HMCN1: variants seen among roughly 807,000 people sequenced by gnomAD.
The protein encoded by HMCN1 is hemicentin-1.
HMCN1 carries 321 observed loss-of-function variants against 625.9 expected under a neutral mutation model. That is an observed-to-expected ratio of 0.51 (90% CI 0.47 to 0.56). HMCN1 has a LOEUF of 0.56. Ranked by LOEUF, HMCN1 falls within the 20% of genes least tolerant of loss-of-function variation. The pLI is 0.00. For synonymous variants in HMCN1, 2,425 were observed against 2,417.6 expected (o/e 1.00, Z -0.09); for missense variants, 6,588 against 6,887.3 (o/e 0.96, Z 1.54).
At chr1:185,880,713 A>G (rs2102389686) in intron 4 of HMCN1, among the ~76,000 whole-genome samples, 1 of 152,320 alleles carries the variant, frequency 6.6e-6, no homozygotes, top group Non-Finnish European at 1.5e-5. Flanking sequence ...TAGATACATA[A>G]TATTTGTTGA....
At chr1:186,087,403 T>C (rs1234507985) in intron 59 of HMCN1, 40 bp from the exon 60 acceptor site, 2 of 1,606,142 alleles carry the variant, frequency 1.2e-6, no homozygotes, top group African/African-American at 1.3e-5. Flanking sequence ...CTGAGCACCT[T>C]AATGAAAAAG....
chr1:185,950,996 G>C (rs1431029529), intron 11 of HMCN1, among the ~76,000 whole-genome samples: 4 of 151,140 alleles, frequency 2.6e-5, no homozygotes, highest in African/African-American at 9.8e-5. Flanking sequence ...GCAGGCGAGT[G>C]ATAACAGGCT....
intron 4 of HMCN1, among the ~76,000 whole-genome samples, chr1:185,897,311 A>G (rs1322355): frequency 0.063 from 9,637 of 152,090 alleles, 1,072 homozygotes; most frequent in African/African-American, 0.22. Flanking sequence ...TTTCCCTCCC[A>G]ATCCCTCCAC....
intron 11 of HMCN1, among the ~76,000 whole-genome samples, chr1:185,956,537 A>G (rs1649645021): frequency 6.6e-6 from 1 of 152,200 alleles, no homozygotes; most frequent in Admixed American, 6.5e-5. Flanking sequence ...AGTGGCACAG[A>G]GCTTCACACC....
intron 1 of HMCN1, among the ~76,000 whole-genome samples, chr1:185,784,193 C>A (rs1420332853): frequency 6.6e-6 from 1 of 152,218 alleles, no homozygotes; most frequent in African/African-American, 2.4e-5. Flanking sequence ...TTTGCTAAGA[C>A]CATTGGAAAA....
chr1:185,761,952 T>C (rs1655534989), intron 1 of HMCN1, among the ~76,000 whole-genome samples: 1 of 152,174 alleles, frequency 6.6e-6, no homozygotes, highest in African/African-American at 2.4e-5. Context: ...GGTATCCATC[T>C]TTAAAACTGA....
chr1:186,130,015 G>A lies in HMCN1; in HGVS notation c.12954G>A (p.Val4318=). 6.2e-7 allele frequency: 1 copy of A among 1,613,266 alleles called. No homozygotes were observed. The highest frequency in any genetic ancestry group is 8.5e-7 in the Non-Finnish European group (1 of 1,179,422). ...NGHSELVIER[V]SKEDSGTYVC... is the part of the protein sequence containing the mutation. ...ACAGTGAACTTGTTATTGAAAGAGT[G>A]TCAAAAGAGGATTCAGGTACTTATG... Residue 4318 remains valine, a synonymous_variant, in exon 84 of 107, where the codon GTG becomes GTA. Transcript: ENST00000271588.
At chr1:185,840,899 A>T (rs1372900007) in intron 1 of HMCN1, among the ~76,000 whole-genome samples, 1 of 152,160 alleles carries the variant, frequency 6.6e-6, no homozygotes, top group Non-Finnish European at 1.5e-5. Context: ...CTATTAAATT[A>T]TGTGTAGGCA....
chr1:186,188,684 A>C (rs1409023675), intron 106 of HMCN1, among the ~76,000 whole-genome samples: 1 of 152,154 alleles, frequency 6.6e-6, no homozygotes, highest in Admixed American at 6.6e-5. Flanking sequence ...TACTGGCTGG[A>C]GCTCACTTTG....
intron 11 of HMCN1, among the ~76,000 whole-genome samples, chr1:185,942,892 G>A (rs1668153188): frequency 6.6e-6 from 1 of 151,808 alleles, no homozygotes; most frequent in African/African-American, 2.4e-5. Context: ...TAGAATGGCT[G>A]ACAGAACTCA....
intron 16 of HMCN1, 42 bp from the exon 17 acceptor site, chr1:185,980,936 C>T (rs1651585546): frequency 1.7e-6 from 2 of 1,153,822 alleles, no homozygotes; most frequent in African/African-American, 1.5e-5. Context: ...AGTTAATTCT[C>T]CATAGATGGT....
intron 82 of HMCN1, 108 bp from the exon 83 acceptor site, chr1:186,127,970 G>A (rs1323392204): frequency 3.3e-6 from 3 of 919,812 alleles, no homozygotes; most frequent in Non-Finnish European, 5.2e-6. Context: ...AATTTAAATT[G>A]TCTTTGGATA....
intron 16 of HMCN1, among the ~76,000 whole-genome samples, chr1:185,979,272 T>A (rs946569792): frequency 2.0e-5 from 3 of 152,048 alleles, no homozygotes; most frequent in African/African-American, 7.2e-5. Flanking sequence ...CATTCCAAGT[T>A]TGATAGGCAG....
At chr1:186,053,126 A>G (rs1444270930) in intron 43 of HMCN1, 52 bp downstream of exon 43, 9 of 1,502,184 alleles carry the variant, frequency 6.0e-6, no homozygotes, top group Non-Finnish European at 5.5e-6. Context: ...TAAGATGGAT[A>G]TTGATTTCGT....
intron 4 of HMCN1, among the ~76,000 whole-genome samples, chr1:185,867,656 A>G (rs1218013467): frequency 6.6e-6 from 1 of 152,126 alleles, no homozygotes; most frequent in Non-Finnish European, 1.5e-5. Flanking sequence ...GCTAGTGGAC[A>G]TGGTCATTCC....
chr1:185,910,519 G>T (rs1469229148), intron 5 of HMCN1, among the ~76,000 whole-genome samples: 1 of 150,868 alleles, frequency 6.6e-6, no homozygotes, highest in Non-Finnish European at 1.5e-5. Flanking sequence ...TACAATGATT[G>T]TAAAACTTTT....
At chr1:186,087,866 C>A in intron 60 of HMCN1, 66 bp from the exon 61 acceptor site, 2 of 1,415,812 alleles carry the variant, frequency 1.4e-6, no homozygotes, top group Non-Finnish European at 2.0e-6. Context: ...TTAATCTAAA[C>A]TCGAACAGTA....
intron 6 of HMCN1, among the ~76,000 whole-genome samples, chr1:185,919,523 C>T (rs937719165): frequency 2.0e-5 from 3 of 152,152 alleles, no homozygotes; most frequent in Admixed American, 2.0e-4. Flanking sequence ...CTGCTCTTTC[C>T]TTGGCCACCA....
At chr1:186,054,481 G>A (rs185123303) in intron 44 of HMCN1, among the ~76,000 whole-genome samples, 7 of 151,984 alleles carry the variant, frequency 4.6e-5, no homozygotes, top group Non-Finnish European at 7.4e-5. Context: ...GAACAAGGTC[G>A]CGTGGCTTGT....
Sources: gnomAD v4.1 joint callset for allele counts (sites outside exome capture counted in the v4.1 genomes callset) on GRCh38, gnomAD v4.1.1 for gene constraint, MANE v1.5 for transcripts, NCBI Gene and HGNC (gene_info 2026-07-23, HGNC 2026-07-21) for gene names.